Variants in ITPR1 observed in about 807,000 individuals in gnomAD.
ITPR1 encodes the protein inositol 1,4,5-trisphosphate-gated calcium channel ITPR1.
A neutral mutation model predicts 318.4 loss-of-function variants in ITPR1; 96 were observed. The ratio of observed to expected loss-of-function variants is 0.30; its 90% CI spans 0.26 to 0.36. ITPR1 has a LOEUF of 0.36. Ranked by LOEUF, ITPR1 falls within the 10% of genes least tolerant of loss-of-function variation. ITPR1 has a pLI of 1.00. For synonymous variants in ITPR1, 1,312 were observed against 1,289.9 expected, an observed-to-expected ratio of 1.02 and a Z score of -0.37; for missense variants, 2,440 against 3,460.2, an observed-to-expected ratio of 0.71 and a Z score of 7.40.
chr3:4,720,177 C>T (rs1016092673), intron 40 of ITPR1, among the ~76,000 whole-genome samples: 2 of 152,198 alleles, frequency 1.3e-5, no homozygotes, highest in Non-Finnish European at 2.9e-5. Flanking sequence ...TACAGTGGTG[C>T]CCCAAATGGG....
At chr3:4,720,806 A>G (rs1473244776) in intron 40 of ITPR1, among the ~76,000 whole-genome samples, 1 of 152,144 alleles carries the variant, frequency 6.6e-6, no homozygotes, top group African/African-American at 2.4e-5. Context: ...AGAGGGGGAA[A>G]CAGGAGAAAC....
intron 48 of ITPR1, among the ~76,000 whole-genome samples, chr3:4,778,666 C>T (rs373719484): frequency 1.3e-5 from 2 of 152,028 alleles, no homozygotes; most frequent in East Asian, 1.9e-4. Context: ...TCAGAAAGTC[C>T]GAAATAAACA....
At chr3:4,728,943 T>G (rs752285848) in intron 42 of ITPR1, among the ~76,000 whole-genome samples, 1 of 152,234 alleles carries the variant, frequency 6.6e-6, no homozygotes, top group Non-Finnish European at 1.5e-5. Flanking sequence ...ATTCGGGACA[T>G]GAGGCTATAG....
At chr3:4,769,024 C>T (rs1419977976) in intron 46 of ITPR1, among the ~76,000 whole-genome samples, 2 of 151,906 alleles carry the variant, frequency 1.3e-5, no homozygotes, top group Non-Finnish European at 2.9e-5. Context: ...ATTCTCCTTC[C>T]TCAGCTTCCC....
At chr3:4,637,329 A>G (rs759618978) in intron 5 of ITPR1, among the ~76,000 whole-genome samples, 17 of 152,226 alleles carry the variant, frequency 1.1e-4, no homozygotes, top group East Asian at 1.9e-4. Flanking sequence ...ATGCAGTCCA[A>G]TGTTATGTTT....
rs747971760 is a variant in ITPR1 at position 4,635,501 on chromosome 3, C to T, written c.280-3883C>T. Among the ~76,000 whole-genome samples the T allele has an allele frequency of 1.7e-4, 26 of 151,932 alleles. No individual in the cohort carries two copies. The South Asian group carries it at 1.9e-3, about 11-fold the overall frequency. ...GACTACAGGTGCCCGCCACCACGCC[C>T]GGCTAATTTTTTGTATTTTTTTTTT... On this transcript the variant is annotated intron_variant, in intron 5 of 61. Coordinates refer to ENST00000649015, the MANE Select transcript of ITPR1 (RefSeq NM_001378452.1).
chr3:4,731,470 T>C (rs1314278783), intron 42 of ITPR1, among the ~76,000 whole-genome samples: 1 of 152,216 alleles, frequency 6.6e-6, no homozygotes, highest in Non-Finnish European at 1.5e-5. Flanking sequence ...CATGAGCTGA[T>C]AGAAGTTACC....
At chr3:4,638,620 C>T (rs2093261087) in intron 5 of ITPR1, among the ~76,000 whole-genome samples, 1 of 152,128 alleles carries the variant, frequency 6.6e-6, no homozygotes, top group Non-Finnish European at 1.5e-5. Context: ...GTTTAAAAAA[C>T]ATTATTAAGC....
chr3:4,581,088 C>A (rs1205821933), intron 4 of ITPR1, among the ~76,000 whole-genome samples: 1 of 152,126 alleles, frequency 6.6e-6, no homozygotes, highest in Admixed American at 6.5e-5. Flanking sequence ...CTTAAAATAC[C>A]GCTTGTTTCA....
chr3:4,825,693 A>G (rs2050026673), intron 60 of ITPR1: 1 of 456,028 alleles, frequency 2.2e-6, no homozygotes. Context: ...TGGAAACTTA[A>G]TACCTGCGTG....
chr3:4,567,568 TGGAGGGCTTTATAGG>T (rs1332285333), intron 4 of ITPR1, among the ~76,000 whole-genome samples: 1 of 151,722 alleles, frequency 6.6e-6, no homozygotes, highest in Non-Finnish European at 1.5e-5. Context: ...AGGTGGGTCA[TGGAGGGCTTTATAGG>T]GGAGGTGACG....
At chr3:4,535,784 G>A (rs1304110223) in intron 4 of ITPR1, among the ~76,000 whole-genome samples, 1 of 151,986 alleles carries the variant, frequency 6.6e-6, no homozygotes, top group Non-Finnish European at 1.5e-5. Context: ...GCATTTTAAA[G>A]CAACTAATTT....
At chr3:4,497,394 T>C (rs1575302378) in intron 2 of ITPR1, among the ~76,000 whole-genome samples, 1 of 152,250 alleles carries the variant, frequency 6.6e-6, no homozygotes, top group African/African-American at 2.4e-5. Context: ...TGCTATGTAC[T>C]AAGATGTATT....
At chr3:4,561,964 C>G (rs11130064) in intron 4 of ITPR1, among the ~76,000 whole-genome samples, 108,378 of 151,990 alleles carry the variant, frequency 0.71, 38,707 homozygotes, top group Admixed American at 0.75. Flanking sequence ...TTGTCTTTAA[C>G]ATTTGTTTAC....
Position 4,661,084 on chromosome 3 carries a change from G to A in ITPR1, c.1248G>A (p.Leu416=), listed in dbSNP as rs1203256134. The part of the protein sequence containing the change: ...IDKEEEKPVM[L]KIGTSPVKED... Reference sequence around the variant, plus strand: ...AGGAAGAAGAAAAGCCCGTGATGCTGAAAGTAAGTCCTGGGACTTGCCTGT... The same window carrying A: ...AGGAAGAAGAAAAGCCCGTGATGCTAAAAGTAAGTCCTGGGACTTGCCTGT... Residue 416 remains leucine (L), a synonymous_variant, in exon 14 of 62, where the codon CTG becomes CTA. Transcript: ENST00000649015. 1 of 1,586,026 alleles carries A rather than the reference G, an allele frequency of 6.3e-7. No individual in the cohort carries two copies. Among genetic ancestry groups the A allele is most frequent in the East Asian group, 2.2e-5 (1 of 44,728 alleles).
At chr3:4,677,495 C>G (rs878946949) in intron 24 of ITPR1, among the ~76,000 whole-genome samples, 2 of 152,136 alleles carry the variant, frequency 1.3e-5, no homozygotes, top group Non-Finnish European at 2.9e-5. Context: ...GATAGCCACA[C>G]AGATATCTTG....
At chr3:4,609,105 T>A (rs1460909893) in intron 4 of ITPR1, among the ~76,000 whole-genome samples, 1 of 111,330 alleles carries the variant, frequency 9.0e-6, no homozygotes. Flanking sequence ...CACACGTATG[T>A]CAGTGGTGGT....
intron 4 of ITPR1, among the ~76,000 whole-genome samples, chr3:4,622,846 C>G (rs2092692981): frequency 6.6e-6 from 1 of 152,226 alleles, no homozygotes; most frequent in Non-Finnish European, 1.5e-5. Flanking sequence ...ATCATTAATT[C>G]AACACCATTG....
chr3:4,598,839 C>T (rs549542353), intron 4 of ITPR1, among the ~76,000 whole-genome samples: 4 of 152,244 alleles, frequency 2.6e-5, no homozygotes, highest in African/African-American at 7.2e-5. Flanking sequence ...ATTTCCTGAA[C>T]TTCTCTGAAT....
Sources: gnomAD v4.1 joint callset for allele counts (sites outside exome capture counted in the v4.1 genomes callset) on GRCh38, gnomAD v4.1.1 for gene constraint, MANE v1.5 for transcripts, NCBI Gene and HGNC (gene_info 2026-07-23, HGNC 2026-07-21) for gene names.